ZNF454: variants seen among roughly 807,000 people sequenced by gnomAD.
ZNF454 encodes zinc finger protein 454.
Under a neutral mutation model 48.2 loss-of-function variants are expected in ZNF454, and 30 were observed. The observed-to-expected ratio is 0.62, with a 90% CI of 0.47 to 0.84. ZNF454 has a LOEUF of 0.84. Among genes scored for constraint, ZNF454 ranks in the 40% least tolerant of loss-of-function variants. ZNF454 has a pLI of 0.00. For synonymous variants in ZNF454, 204 were observed against 211.4 expected, an observed-to-expected ratio of 0.97 and a Z score of 0.30; for missense variants, 510 against 623.1, an observed-to-expected ratio of 0.82 and a Z score of 1.93.
chr5:178,951,133 C>T (rs1185112088), intron 4 of ZNF454, among the ~76,000 whole-genome samples: 3 of 152,198 alleles, frequency 2.0e-5, no homozygotes, highest in Non-Finnish European at 2.9e-5. Flanking sequence ...GCTGGGATTA[C>T]AGGCATGAGC....
the ZNF454 span, chr5:178,982,716 G>T: frequency 3.9e-6 from 2 of 517,358 alleles, no homozygotes; most frequent in Non-Finnish European, 3.4e-6. Context: ...AAAAAAAGAA[G>T]AGTGGAAGTT....
At chr5:178,989,742 G>A in the ZNF454 span, 1 of 402,396 alleles carries the variant, frequency 2.5e-6, no homozygotes, top group African/African-American at 2.1e-5. Flanking sequence ...CTTCTTTCCT[G>A]TTAGGATGCT....
rs147918883 is a variant in ZNF454 at position 178,951,672 on chromosome 5, C to T, written c.250+4686C>T. On this transcript the variant is annotated intron_variant, in intron 4 of 4. Coordinates refer to ENST00000519564, the MANE Select transcript of ZNF454 (RefSeq NM_001178089.3). ...ATACCTTACTTTATCCAGTCTCCTG[C>T]TGCTGGCTGTGTAAGTTATTTCCAG... is the stretch of plus-strand genomic sequence containing the variant. 3.6e-3 allele frequency among the ~76,000 whole-genome samples: 547 copies of T among 152,316 alleles called. 1 individual carries two copies. The highest frequency in any genetic ancestry group is 4.9e-3 in the Non-Finnish European group (331 of 68,032).
intron 2 of ZNF454, among the ~76,000 whole-genome samples, chr5:178,943,480 C>G (rs1200406418): frequency 3.9e-5 from 6 of 152,144 alleles, no homozygotes; most frequent in Non-Finnish European, 7.4e-5. Flanking sequence ...CCAGGCCCCC[C>G]CTCCAACATT....
At chr5:178,984,674 G>A in the ZNF454 span, among the ~76,000 whole-genome samples, 74 of 152,272 alleles carry the variant, frequency 4.9e-4, no homozygotes, top group African/African-American at 1.7e-3. Flanking sequence ...TGCGGCACAC[G>A]GAGACCCTGG....
At chr5:178,945,461 G>T (rs1485712482) in intron 2 of ZNF454, among the ~76,000 whole-genome samples, 2 of 148,940 alleles carry the variant, frequency 1.3e-5, no homozygotes, top group South Asian at 2.2e-4. Context: ...TGTGGGGGGG[G>T]TGTGTCGTGT....
At chr5:178,958,455 C>T (rs1432236507) in intron 4 of ZNF454, among the ~76,000 whole-genome samples, 2 of 152,168 alleles carry the variant, frequency 1.3e-5, no homozygotes, top group African/African-American at 2.4e-5. Context: ...TATAATGTTT[C>T]GCCATATAAA....
chr5:178,964,207 G>A (rs887955142), intron 4 of ZNF454, among the ~76,000 whole-genome samples: 33 of 151,040 alleles, frequency 2.2e-4, no homozygotes, highest in African/African-American at 6.8e-4. Flanking sequence ...TGCAAGCTCC[G>A]CCTCCCGGGT....
chr5:178,965,505 G>A lies in ZNF454; in HGVS notation c.1101G>A (p.Val367=), dbSNP rs1760119005. Residue 367 remains valine (V), a synonymous_variant, in exon 5 of 5, where the codon GTG becomes GTA. Transcript: ENST00000519564. The surrounding 1 kb of genome is among the most constrained non-coding windows in gnomAD (Gnocchi z 5.2). ...ECNECGKAFR[V]NSSLTEHQRI... Reference sequence around the variant, plus strand: ...ATGAATGTGGGAAGGCCTTCAGGGTGAACTCTTCCCTTACTGAACATCAGA... The same window carrying A: ...ATGAATGTGGGAAGGCCTTCAGGGTAAACTCTTCCCTTACTGAACATCAGA... 7 of 1,614,034 alleles carry A rather than the reference G, an allele frequency of 4.3e-6. No individual in the cohort carries two copies. Among genetic ancestry groups the A allele is most frequent in the Non-Finnish European group, 5.9e-6 (7 of 1,180,008 alleles).
At chr5:178,986,502 G>A in the ZNF454 span, 5 of 1,609,716 alleles carry the variant, frequency 3.1e-6, no homozygotes, top group Non-Finnish European at 4.2e-6. Flanking sequence ...GGGCTGCCCA[G>A]GGGGAGGACC....
At chr5:178,960,632 T>C (rs1177488743) in intron 4 of ZNF454, among the ~76,000 whole-genome samples, 2 of 151,924 alleles carry the variant, frequency 1.3e-5, no homozygotes, top group South Asian at 2.1e-4. Context: ...TGATTATTGA[T>C]TTATCTATTT....
At position 178,944,572 on chromosome 5, in the gene ZNF454, C is replaced by T. The variant is rs904593289; in HGVS notation, c.33+1748C>T. Among the ~76,000 whole-genome samples, 2 of 152,214 alleles carry T rather than the reference C, an allele frequency of 1.3e-5. No individual in the cohort carries two copies. Among genetic ancestry groups the T allele is most frequent in the Non-Finnish European group, 2.9e-5 (2 of 68,040 alleles). ...TGACTGCCTGTCATGGGCCAAGTCT[C>T]TGGGTGCAGGTAACGGAAACCTAAT... is the stretch of plus-strand genomic sequence containing the variant. On this transcript the variant is annotated intron_variant, in intron 2 of 4. Coordinates refer to ENST00000519564, the MANE Select transcript of ZNF454 (RefSeq NM_001178089.3). This position sits in a 1 kb window ranked among gnomAD's most constrained non-coding sequence, Gnocchi z 4.1.
chr5:178,968,105 T>TCACACACA (rs3031585), downstream of ZNF454, among the ~76,000 whole-genome samples: 5,663 of 145,012 alleles, frequency 0.039, 145 homozygotes, highest in South Asian at 0.08. Flanking sequence ...CATCTGTGCA[T>TCACACACA]CACACACACA....
chr5:178,952,564 A>G (rs1341279765), intron 4 of ZNF454, among the ~76,000 whole-genome samples: 1 of 152,122 alleles, frequency 6.6e-6, no homozygotes, highest in Non-Finnish European at 1.5e-5. Flanking sequence ...TGAGGAAGTA[A>G]AATCTATTAG....
chr5:178,987,055 G>A, the ZNF454 span: 1 of 1,483,810 alleles, frequency 6.7e-7, no homozygotes, highest in Admixed American at 1.8e-5. Context: ...AGGCCCCAGG[G>A]ACCAGCAGGA....
the ZNF454 span, chr5:178,986,651 G>A: frequency 1.9e-6 from 3 of 1,602,658 alleles, no homozygotes; most frequent in Non-Finnish European, 2.5e-6. Flanking sequence ...CAACAGCAGG[G>A]GACGCCCTTC....
the ZNF454 span, chr5:178,986,010 C>T: frequency 2.2e-6 from 2 of 913,254 alleles, no homozygotes; most frequent in Non-Finnish European, 3.3e-6. Context: ...GATCCACCCA[C>T]CTCAGCCTCC....
chr5:178,973,996 G>C, the ZNF454 span, among the ~76,000 whole-genome samples: 1 of 152,154 alleles, frequency 6.6e-6, no homozygotes, highest in Non-Finnish European at 1.5e-5. Flanking sequence ...TTATGAAGTA[G>C]ACAGTGGGGT....
At chr5:178,984,292 A>T in the ZNF454 span, among the ~76,000 whole-genome samples, 1,255 of 40,154 alleles carry the variant, frequency 0.031, 14 homozygotes, top group African/African-American at 0.049. Context: ...GCGAGCGAGC[A>T]CGCCTCACTC....
Sources: allele counts gnomAD v4.1 joint callset (sites outside exome capture counted in the v4.1 genomes callset), GRCh38; gene constraint gnomAD v4.1.1; non-coding constraint Gnocchi (gnomAD v3.1); transcripts MANE v1.5; gene names NCBI Gene and HGNC (gene_info 2026-07-23, HGNC 2026-07-21).